Variants in ZFP82 observed in about 807,000 individuals in gnomAD.
ZFP82 encodes the protein zinc finger protein 82 homolog.
A neutral mutation model predicts 54.0 loss-of-function variants in ZFP82; 30 were observed. That is an observed-to-expected ratio of 0.56 (90% CI 0.42 to 0.75). The LOEUF is 0.75. ZFP82 is among the 30% of genes least tolerant of loss of function. The pLI is 0.00. For synonymous variants in ZFP82, 194 were observed against 209.5 expected, an observed-to-expected ratio of 0.93 and a Z score of 0.64; for missense variants, 500 against 636.8, an observed-to-expected ratio of 0.79 and a Z score of 2.31.
At chr19:36,402,341 C>T (rs1047879751) in intron 4 of ZFP82, among the ~76,000 whole-genome samples, 6 of 151,698 alleles carry the variant, frequency 4.0e-5, no homozygotes, top group Non-Finnish European at 8.8e-5. Context: ...TGGTGGCGGG[C>T]GCCTGTAGTC....
Position 36,391,728 on chromosome 19 carries a change from A to C in ZFP82, c.*1013T>G, listed in dbSNP as rs1028712558. The C allele has an allele frequency of 1.3e-5, 2 of 152,176 alleles. No homozygotes were observed. The highest frequency in any genetic ancestry group is 3.8e-4 in the East Asian group (2 of 5,196). The allele number at this position is 152,176 out of a possible 1,614,324, so 9.4% of individuals were successfully genotyped here. On this transcript the variant is annotated 3_prime_UTR_variant, in exon 5 of 5. Transcript: ENST00000392161. ...GCAATCGTCCTTACTTGGCCTCCCAAAGTGCTGGATTTACAGGCATGGGCC... is the reference window on the plus strand; with the variant it reads ...GCAATCGTCCTTACTTGGCCTCCCACAGTGCTGGATTTACAGGCATGGGCC...
chr19:36,416,474 T>A (rs1380131034), intron 1 of ZFP82, among the ~76,000 whole-genome samples: 2 of 152,072 alleles, frequency 1.3e-5, no homozygotes, highest in Non-Finnish European at 2.9e-5. Context: ...TCCTGTTCTA[T>A]GGCCGGGCAC....
At position 36,392,020 on chromosome 19, in the gene ZFP82, C is replaced by A. The variant is rs1454873487; in HGVS notation, c.*721G>T. ...GTTTTTGTGGGTCAGAAATTTGGGCCAGGGGCTCAGCTGGTCAATTCTTCC... is the reference window on the plus strand; with the variant it reads ...GTTTTTGTGGGTCAGAAATTTGGGCAAGGGGCTCAGCTGGTCAATTCTTCC... On this transcript the variant is annotated 3_prime_UTR_variant, in exon 5 of 5. Coordinates refer to ENST00000392161, the MANE Select transcript of ZFP82 (RefSeq NM_133466.4). 1 of 16,210 alleles carries A rather than the reference C, an allele frequency of 6.2e-5. No homozygotes were observed. Among genetic ancestry groups the A allele is most frequent in the Non-Finnish European group, 1.2e-4 (1 of 8,334 alleles). 1.0% of individuals were successfully genotyped at this position (16,210 alleles called of 1,614,324 possible).
downstream of ZFP82, among the ~76,000 whole-genome samples, chr19:36,386,605 G>A (rs979316308): frequency 2.6e-5 from 4 of 152,342 alleles, no homozygotes; most frequent in East Asian, 7.7e-4. Context: ...GTCCAAGTAG[G>A]TCATAGAGTT....
downstream of ZFP82, among the ~76,000 whole-genome samples, chr19:36,388,267 T>A (rs2032138295): frequency 1.3e-5 from 2 of 152,224 alleles, no homozygotes; most frequent in African/African-American, 4.8e-5. Context: ...TAAGTAAAAT[T>A]GGCCCACATT....
chr19:36,403,016 G>A (rs1273801152), intron 4 of ZFP82, among the ~76,000 whole-genome samples: 6 of 151,680 alleles, frequency 4.0e-5, no homozygotes, highest in Non-Finnish European at 7.4e-5. Context: ...GGTGGCGGGC[G>A]CCTGTAGTTC....
At chr19:36,412,318 A>G (rs2032595479) in intron 1 of ZFP82, among the ~76,000 whole-genome samples, 1 of 152,206 alleles carries the variant, frequency 6.6e-6, no homozygotes, top group African/African-American at 2.4e-5. Flanking sequence ...ACATGACCAT[A>G]TATACTTGAA....
At chr19:36,383,954 C>T (rs1012307208), downstream of ZFP82, 1 of 152,046 alleles carries the variant, frequency 6.6e-6, no homozygotes, top group Non-Finnish European at 1.5e-5. Flanking sequence ...CACTATTAAC[C>T]AGGAAAATAT....
At chr19:36,406,554 C>G (rs938084979) in intron 3 of ZFP82, among the ~76,000 whole-genome samples, 3 of 152,114 alleles carry the variant, frequency 2.0e-5, no homozygotes, top group Non-Finnish European at 4.4e-5. Context: ...TATATTCTTG[C>G]ATGCTATAAC....
intron 3 of ZFP82, among the ~76,000 whole-genome samples, chr19:36,407,360 G>A (rs2032502471): frequency 6.6e-6 from 1 of 152,168 alleles, no homozygotes; most frequent in Admixed American, 6.6e-5. Context: ...ACAGGCGTGA[G>A]CCACCGCGCC....
chr19:36,410,738 T>G (rs982619707), intron 1 of ZFP82, among the ~76,000 whole-genome samples: 1 of 151,490 alleles, frequency 6.6e-6, no homozygotes, highest in Non-Finnish European at 1.5e-5. Context: ...CCTGACTTCA[T>G]GATCCGCCCG....
At chr19:36,383,373 C>T (rs947169016) in exon 2 of ZFP82, 1 of 151,452 alleles carries the variant, frequency 6.6e-6, no homozygotes, top group African/African-American at 2.4e-5. Context: ...ATCAATGAGC[C>T]AAAAAGGCAT....
In ZFP82 at chr19:36,389,192, C is replaced by T. The variant is rs1024171396; in HGVS notation, c.*3549G>A. ...GTAGCTGGGACTACAGGCGTGCCACCATGTCCAGCTAATTTTTGTATTTTT... is the reference window on the plus strand; with the variant it reads ...GTAGCTGGGACTACAGGCGTGCCACTATGTCCAGCTAATTTTTGTATTTTT... On this transcript the variant is annotated 3_prime_UTR_variant, in exon 5 of 5. Transcript: ENST00000392161. Among the ~76,000 whole-genome samples the T allele has an allele frequency of 6.6e-6, 1 of 152,006 alleles. No homozygotes were observed. The highest frequency in any genetic ancestry group is 2.4e-5 in the African/African-American group (1 of 41,394).
In ZFP82 at chr19:36,393,243, T is replaced by C. The variant is rs200814844; in HGVS notation, c.1097A>G (p.Tyr366Cys). 4.3e-6 allele frequency: 7 copies of C among 1,613,950 alleles called. No homozygotes were observed. Among genetic ancestry groups the C allele is most frequent in the African/African-American group, 2.7e-5 (2 of 74,876 alleles). Residue 366 changes from tyrosine to cysteine, a missense_variant, in exon 5 of 5, where the codon TAT becomes TGT. Coordinates refer to ENST00000392161, the MANE Select transcript of ZFP82 (RefSeq NM_133466.4). ...GGTCTTTCCACATTCCTTACATTCA[T>C]AGGGTTTCTCACCAGTATGAATTCT... Reference protein sequence around the residue: ...HQRIHTGEKPYECKECGKTFS... With the variant: ...HQRIHTGEKPCECKECGKTFS...
intron 4 of ZFP82, among the ~76,000 whole-genome samples, chr19:36,398,870 A>G (rs2032340448): frequency 6.6e-6 from 1 of 152,174 alleles, no homozygotes; most frequent in Non-Finnish European, 1.5e-5. Context: ...GATAAAGTAT[A>G]TATTATCTTA....
chr19:36,393,302 G>T lies in ZFP82; in HGVS notation c.1038C>A (p.Ala346=), dbSNP rs148981773. The change falls in exon 5 of 5, where the codon GCC becomes GCA. Residue 346 remains alanine, a synonymous_variant. Transcript: ENST00000392161. ...GTGTTAGTTGTTGTCGCACTCTAAA[G>T]GCCTTCCCGCATTCCTTACATTCAT... ...KPYECKECGK[A]FRVRQQLTLH... is the part of the protein sequence containing the mutation. 82 of 1,613,642 alleles carry T rather than the reference G, an allele frequency of 5.1e-5. No homozygotes were observed. In the African/African-American group the frequency reaches 1.0e-3, roughly 21 times the overall value.
At chr19:36,414,750 A>G (rs997408232) in intron 1 of ZFP82, among the ~76,000 whole-genome samples, 3 of 152,070 alleles carry the variant, frequency 2.0e-5, no homozygotes, top group Non-Finnish European at 4.4e-5. Flanking sequence ...CATCCCTAGT[A>G]GCTCCAAAGG....
intron 4 of ZFP82, chr19:36,395,793 A>T (rs2032283364): frequency 6.6e-6 from 1 of 152,250 alleles, no homozygotes. Flanking sequence ...TAATAAAATT[A>T]AAAGAAACAC....
chr19:36,385,445 G>C (rs1040815432), downstream of ZFP82, among the ~76,000 whole-genome samples: 1 of 152,200 alleles, frequency 6.6e-6, no homozygotes, highest in African/African-American at 2.4e-5. Context: ...GTACGCAGTT[G>C]CTATAATGAA....
Sources: allele counts gnomAD v4.1 joint callset (sites outside exome capture counted in the v4.1 genomes callset), GRCh38; gene constraint gnomAD v4.1.1; transcripts MANE v1.5; gene names NCBI Gene and HGNC (gene_info 2026-07-23, HGNC 2026-07-21).